NAA35: variants seen among roughly 807,000 people sequenced by gnomAD.
NAA35 encodes N-alpha-acetyltransferase 35, NatC auxiliary subunit.
Under a neutral mutation model 101.7 loss-of-function variants are expected in NAA35, and 18 were observed. The ratio of observed to expected loss-of-function variants is 0.18; its 90% confidence interval spans 0.12 to 0.26. The LOEUF (loss-of-function observed/expected upper bound fraction) is 0.26. NAA35 is among the 10% of genes least tolerant of loss of function. The probability of loss-of-function intolerance (pLI) is 1.00; values close to 1 mark genes in which losing one functional copy is unlikely to be tolerated. For synonymous variants in NAA35, 267 were observed against 273.1 expected (o/e 0.98, Z 0.22); for missense variants, 601 against 886.8 (o/e 0.68, Z 4.09).
At chr9:86,003,795 G>T in intron 13 of NAA35, 151 bp downstream of exon 13, 1 of 458,878 alleles carries the variant, frequency 2.2e-6, no homozygotes. Context: ...TTAACTTTAA[G>T]CATTAGACAT....
chr9:86,010,868 C>T (rs905871966), intron 15 of NAA35, among the ~76,000 whole-genome samples: 7 of 151,330 alleles, frequency 4.6e-5, no homozygotes, highest in East Asian at 2.0e-4. Flanking sequence ...TGAGCCACCG[C>T]GCCTGGCCTA....
chr9:85,962,065 AC>A lies in NAA35; in HGVS notation c.402del (p.Tyr134Ter). ...GCACAGACAGTATTTACGTGCCTTTACATTCATAATCCAGACTTTATAGAAG... is the reference window on the plus strand; with the variant it reads ...GCACAGACAGTATTTACGTGCCTTTAATTCATAATCCAGACTTTATAGAAG... The part of the protein sequence containing the change: ...SLAQTVFTCL[Y>X]IHNPDFIEDP... On this transcript the variant is annotated frameshift_variant, in exon 6 of 23. Coordinates refer to ENST00000361671, the MANE Select transcript of NAA35 (RefSeq NM_024635.4). LOFTEE classifies it high-confidence loss of function. The A allele has an allele frequency of 6.2e-7, 1 of 1,614,004 alleles. No individual in the cohort carries two copies. Among genetic ancestry groups the A allele is most frequent in the Non-Finnish European group, 8.5e-7 (1 of 1,179,954 alleles).
intron 2 of NAA35, among the ~76,000 whole-genome samples, chr9:85,955,664 C>T (rs1256800365): frequency 1.3e-5 from 2 of 151,990 alleles, no homozygotes; most frequent in Non-Finnish European, 2.9e-5. Flanking sequence ...GGCCCGGCTG[C>T]CATCAATATT....
chr9:86,002,553 C>A (rs1447569848), intron 12 of NAA35, among the ~76,000 whole-genome samples: 2 of 151,788 alleles, frequency 1.3e-5, no homozygotes, highest in East Asian at 3.9e-4. Flanking sequence ...TTTTTCATTC[C>A]TTTTTCTTCT....
At chr9:85,973,375 A>C (rs1385931396) in intron 6 of NAA35, among the ~76,000 whole-genome samples, 1 of 152,186 alleles carries the variant, frequency 6.6e-6, no homozygotes, top group Non-Finnish European at 1.5e-5. Context: ...TGGTATATAA[A>C]TTATAGCAGG....
intron 11 of NAA35, among the ~76,000 whole-genome samples, chr9:85,984,234 T>C (rs1022904511): frequency 1.3e-5 from 2 of 151,962 alleles, no homozygotes; most frequent in African/African-American, 4.8e-5. Context: ...GAGATTGAAG[T>C]GGGAGGATTG....
At chr9:85,946,127 T>C (rs143451209) in intron 2 of NAA35, among the ~76,000 whole-genome samples, 1 of 151,980 alleles carries the variant, frequency 6.6e-6, no homozygotes, top group Admixed American at 6.6e-5. Flanking sequence ...AAAAAAAAAT[T>C]AGTAAGTTAA....
chr9:85,983,990 A>T (rs1830542476), intron 11 of NAA35, among the ~76,000 whole-genome samples: 1 of 150,998 alleles, frequency 6.6e-6, no homozygotes, highest in Admixed American at 6.6e-5. Flanking sequence ...AACTAATAAA[A>T]GTTGTTCCAG....
chr9:85,943,227 A>C (rs1174262215), intron 2 of NAA35, among the ~76,000 whole-genome samples: 1 of 152,164 alleles, frequency 6.6e-6, no homozygotes, highest in African/African-American at 2.4e-5. Flanking sequence ...AATTAACTAG[A>C]GTGAGAGCTT....
In NAA35 at chr9:86,013,878, G is replaced by T; in HGVS notation, c.1549G>T (p.Glu517Ter). The T allele has an allele frequency of 6.2e-7, 1 of 1,612,492 alleles. No individual in the cohort carries two copies. The highest frequency in any genetic ancestry group is 1.1e-5 in the South Asian group (1 of 90,856). The stretch of plus-strand genomic sequence containing the variant: ...TGAATTGGAACTCTACAGTATGCAC[G>T]AGTACTATTACATATATTGGTAAGA... ...GFELELYSMH[E>*]YYYIYWYLSE... The change falls in exon 17 of 23, where the codon GAG (glutamate) becomes TAG (stop). Residue 517 changes from glutamate to a stop codon, truncating the protein, a stop_gained. Transcript: ENST00000361671. LOFTEE classifies it high-confidence loss of function.
At chr9:85,950,700 A>G (rs557830162) in intron 2 of NAA35, among the ~76,000 whole-genome samples, 4 of 152,356 alleles carry the variant, frequency 2.6e-5, no homozygotes, top group African/African-American at 7.2e-5. Flanking sequence ...CCCTAAATAC[A>G]TGATAGATTA....
chr9:86,012,244 A>G (rs1015003964), intron 15 of NAA35, among the ~76,000 whole-genome samples: 4 of 150,934 alleles, frequency 2.7e-5, no homozygotes, highest in African/African-American at 4.9e-5. Context: ...TCAGCCTCCC[A>G]TGTAGCTGGG....
rs190588567 is a variant in NAA35 at position 86,018,950 on chromosome 9, C to T, written c.2037+129C>T. ...GTGAATAGAACTTGGCGTGTTTCTG[C>T]GAAGGATTTCAGGTAGTTTTGTCAA... On this transcript the variant is annotated intron_variant, in intron 21 of 22. Coordinates refer to ENST00000361671, the MANE Select transcript of NAA35 (RefSeq NM_024635.4). 2.6e-4 allele frequency: 308 copies of T among 1,180,770 alleles called. 1 individual carries two copies. Among genetic ancestry groups the T allele is most frequent in the Middle Eastern group, 2.1e-3 (10 of 4,856 alleles). 73.1% of individuals were successfully genotyped at this position (1,180,770 alleles called of 1,614,324 possible). A position where few individuals can be genotyped will look rare whatever the true frequency, so the allele number is the denominator to read the frequency against.
intron 2 of NAA35, among the ~76,000 whole-genome samples, chr9:85,951,511 T>G (rs1829017958): frequency 6.6e-6 from 1 of 152,244 alleles, no homozygotes; most frequent in South Asian, 2.1e-4. Context: ...GGTAATGGAC[T>G]CTTTATGCTC....
chr9:86,003,697 C>G (rs548438687), intron 13 of NAA35, 53 bp downstream of exon 13: 2 of 1,070,106 alleles, frequency 1.9e-6, no homozygotes, highest in Admixed American at 4.2e-5. Context: ...TGTGTATTGA[C>G]ATTGTTTTAT....
chr9:85,969,878 G>A (rs1052716404), intron 6 of NAA35, among the ~76,000 whole-genome samples: 1 of 147,612 alleles, frequency 6.8e-6, no homozygotes, highest in Non-Finnish European at 1.5e-5. Context: ...AAAAAAAAAA[G>A]ATGTGTTCAT....
rs180996664 is a variant in NAA35, at chr9:85,941,721, G to C, written c.-5-434G>C. 7,575 of 986,784 alleles carry C rather than the reference G, an allele frequency of 7.7e-3. 36 individuals are homozygous for C. Among genetic ancestry groups the C allele is most frequent in the Non-Finnish European group, 8.6e-3 (7,113 of 830,838 alleles). The allele number at this position is 986,784 out of a possible 1,614,324, so 61.1% of individuals were successfully genotyped here. On this transcript the variant is annotated intron_variant, in intron 1 of 22. Transcript: ENST00000361671. ...CGGCTCTGGCCCGGGAGAGGTCCCA[G>C]CGAGCTCTGGCCAGATGAAGGGCTA... is the stretch of plus-strand genomic sequence containing the variant.
intron 2 of NAA35, among the ~76,000 whole-genome samples, chr9:85,953,216 G>GA (rs1296634128): frequency 1.8e-3 from 247 of 140,116 alleles, no homozygotes; most frequent in African/African-American, 6.4e-3. Flanking sequence ...TGCCTCAAGA[G>GA]ATTTTTTTTT....
rs1000440448 is a variant in NAA35, at chr9:85,975,251, C to T, written c.627+94C>T. 10 of 1,228,938 alleles carry T rather than the reference C, an allele frequency of 8.1e-6. 1 individual carries two copies. The highest frequency in any genetic ancestry group is 2.8e-5 in the South Asian group (2 of 70,452). 76.1% of individuals were successfully genotyped at this position (1,228,938 alleles called of 1,614,324 possible). ...TAAAAATGTGTAGAACCACCTTTCT[C>T]CTGTATGTGCTTTGTATTTTTTTTT... On this transcript the variant is annotated intron_variant, in intron 8 of 22. Coordinates refer to ENST00000361671, the MANE Select transcript of NAA35 (RefSeq NM_024635.4).
Sources: allele counts gnomAD v4.1 joint callset (sites outside exome capture counted in the v4.1 genomes callset), GRCh38; gene constraint gnomAD v4.1.1; transcripts MANE v1.5; gene names NCBI Gene and HGNC (gene_info 2026-07-23, HGNC 2026-07-21).